Variants in ARL5B observed in about 807,000 individuals in gnomAD.
ARL5B encodes the protein ADP-ribosylation factor-like protein 5B.
Under a neutral mutation model 26.9 loss-of-function variants are expected in ARL5B, and 10 were observed. The ratio of observed to expected loss-of-function variants is 0.37; its 90% CI spans 0.23 to 0.63. The LOEUF is 0.63. ARL5B is among the 30% of genes least tolerant of loss of function. The probability of loss-of-function intolerance (pLI) is 0.62; values close to 1 mark genes in which losing one functional copy is unlikely to be tolerated. For synonymous variants in ARL5B, 87 were observed against 70.4 expected (o/e 1.24, Z -1.18); for missense variants, 167 against 213.9 (o/e 0.78, Z 1.37).
At position 18,677,896 on chromosome 10, in the gene ARL5B, G is replaced by C. The variant is rs1157291384; in HGVS notation, c.*2680G>C. 1.3e-5 allele frequency: 2 copies of C among 151,960 alleles called. No individual in the cohort carries two copies. Among genetic ancestry groups the C allele is most frequent in the Non-Finnish European group, 1.5e-5 (1 of 67,756 alleles). The allele number at this position is 151,960 out of a possible 1,614,324, so 9.4% of individuals were successfully genotyped here. A position where few individuals can be genotyped will look rare whatever the true frequency, so the allele number is the denominator to read the frequency against. ...GGACCCACCTACATTACCTTCAGGA[G>C]ACTGTTCTACCTTTTAATTTGAAAA... On this transcript the variant is annotated 3_prime_UTR_variant, in exon 6 of 6. Transcript: ENST00000377275.
At chr10:18,666,739 A>G in intron 2 of ARL5B, 104 bp downstream of exon 2, 1 of 1,017,562 alleles carries the variant, frequency 9.8e-7, no homozygotes, top group Non-Finnish European at 1.4e-6. Context: ...ACTTAAATAT[A>G]TGTTTTTTGT....
At chr10:18,661,160 T>C (rs971273218) in intron 1 of ARL5B, among the ~76,000 whole-genome samples, 2 of 152,234 alleles carry the variant, frequency 1.3e-5, no homozygotes, top group Non-Finnish European at 2.9e-5. Flanking sequence ...TAAAACAGCA[T>C]TTTAAGACAT....
chr10:18,674,731 C>T (rs144160062), intron 5 of ARL5B, among the ~76,000 whole-genome samples: 1 of 152,304 alleles, frequency 6.6e-6, no homozygotes, highest in East Asian at 1.9e-4. Context: ...CTTAGTTTTT[C>T]TCTTAGTATT....
chr10:18,673,157 G>A (rs1203452795), intron 4 of ARL5B, among the ~76,000 whole-genome samples: 5 of 152,018 alleles, frequency 3.3e-5, no homozygotes, highest in African/African-American at 1.2e-4. Context: ...CCGCCTCCTG[G>A]GTTCAAGCAG....
intron 4 of ARL5B, 145 bp from the exon 5 acceptor site, chr10:18,673,839 G>C (rs1364760555): frequency 1.7e-6 from 1 of 580,066 alleles, no homozygotes; most frequent in Middle Eastern, 5.2e-4. Flanking sequence ...AATGAATAAT[G>C]AAATTACGGG....
In ARL5B at chr10:18,675,200, G is replaced by A. The variant is rs1030361936; in HGVS notation, c.524G>A (p.Arg175Gln). 10 of 1,613,324 alleles carry A rather than the reference G, an allele frequency of 6.2e-6. No homozygotes were observed. The highest frequency in any genetic ancestry group is 2.2e-5 in the East Asian group (1 of 44,830). ...CAAGGTCTAGAGTGGATGACCTCCC[G>A]GATTGGTGTGAGATAACTTTTTTGC... is the stretch of plus-strand genomic sequence containing the variant. ...LCQGLEWMTS[R>Q]IGVR The change falls in exon 6 of 6, where the codon CGG becomes CAG. Residue 175 changes from arginine to glutamine, a missense_variant. Coordinates refer to ENST00000377275, the MANE Select transcript of ARL5B (RefSeq NM_178815.5).
chr10:18,672,028 T>C (rs1053520922), intron 3 of ARL5B, among the ~76,000 whole-genome samples: 1 of 152,234 alleles, frequency 6.6e-6, no homozygotes, highest in African/African-American at 2.4e-5. Flanking sequence ...TCCTCTTTTT[T>C]CTGGTGTCTT....
At position 18,666,636 on chromosome 10, in the gene ARL5B, G is replaced by A. The variant is rs773419256; in HGVS notation, c.107+1G>A. The A allele has an allele frequency of 6.2e-7, 1 of 1,602,288 alleles. No individual in the cohort carries two copies. Among genetic ancestry groups the A allele is most frequent in the Non-Finnish European group, 8.5e-7 (1 of 1,172,412 alleles). ...GGAAAACCACCATTCTTTACCAATT[G>A]TAAGTATGGGTGTTTATTAAACAGT... On this transcript the variant is annotated splice_donor_variant, in intron 2 of 5. Coordinates refer to ENST00000377275, the MANE Select transcript of ARL5B (RefSeq NM_178815.5). LOFTEE classifies it high-confidence loss of function.
At chr10:18,666,481 C>T (rs748507546) in intron 1 of ARL5B, 94 bp from the exon 2 acceptor site, 57 of 1,016,274 alleles carry the variant, frequency 5.6e-5, no homozygotes, top group Non-Finnish European at 8.1e-5. Context: ...GTGAATGATT[C>T]TCATTAATGA....
intron 2 of ARL5B, among the ~76,000 whole-genome samples, chr10:18,666,848 G>C (rs920918323): frequency 6.6e-6 from 1 of 151,958 alleles, no homozygotes; most frequent in Non-Finnish European, 1.5e-5. Flanking sequence ...TTCTGCCCTC[G>C]AAAGAAAGAA....
At chr10:18,674,846 G>C (rs541414475) in intron 5 of ARL5B, among the ~76,000 whole-genome samples, 1 of 152,266 alleles carries the variant, frequency 6.6e-6, no homozygotes, top group South Asian at 2.1e-4. Flanking sequence ...AGGATAAGGT[G>C]AAGTTGCTAT....
In ARL5B at chr10:18,677,530, A is replaced by G. The variant is rs1171281767; in HGVS notation, c.*2314A>G. On this transcript the variant is annotated 3_prime_UTR_variant, in exon 6 of 6. Coordinates refer to ENST00000377275, the MANE Select transcript of ARL5B (RefSeq NM_178815.5). ...AATTCATGTAAGACTTTTTAAGAGTATTTTTTAGGTTTTCACTCAATCTTT... is the reference window on the plus strand; with the variant it reads ...AATTCATGTAAGACTTTTTAAGAGTGTTTTTTAGGTTTTCACTCAATCTTT... The G allele has an allele frequency of 6.6e-6, 1 of 152,210 alleles. No homozygotes were observed. Among genetic ancestry groups the G allele is most frequent in the Non-Finnish European group, 1.5e-5 (1 of 67,754 alleles). The allele number at this position is 152,210 out of a possible 1,614,324, so 9.4% of individuals were successfully genotyped here.
intron 1 of ARL5B, among the ~76,000 whole-genome samples, chr10:18,662,112 C>T (rs1402030948): frequency 1.3e-5 from 2 of 152,226 alleles, no homozygotes. Context: ...ATTTTTGTAA[C>T]TATATTTATC....
rs1173717393 is a variant in ARL5B at position 18,681,536 on chromosome 10, C to T, written c.*6320C>T. On this transcript the variant is annotated 3_prime_UTR_variant, in exon 6 of 6. Coordinates refer to ENST00000377275, the MANE Select transcript of ARL5B (RefSeq NM_178815.5). ...TGCTCTGGAATGTTCATCTTTTAGA[C>T]AGGTTTTGGCTCATTTCCAATCATG... is the stretch of plus-strand genomic sequence containing the variant. 3.9e-5 allele frequency: 6 copies of T among 152,106 alleles called. No homozygotes were observed. Among genetic ancestry groups the T allele is most frequent in the Non-Finnish European group, 8.8e-5 (6 of 68,030 alleles). The allele number at this position is 152,106 out of a possible 1,614,324, so 9.4% of individuals were successfully genotyped here. A position where few individuals can be genotyped will look rare whatever the true frequency, so the allele number is the denominator to read the frequency against.
chr10:18,665,102 G>A (rs370023787), intron 1 of ARL5B, among the ~76,000 whole-genome samples: 5 of 152,330 alleles, frequency 3.3e-5, no homozygotes, highest in African/African-American at 1.2e-4. Context: ...GTGCCAGGCA[G>A]TCTGTTTGTT....
At position 18,676,545 on chromosome 10, in the gene ARL5B, TGTC is replaced by T. The variant is rs1201048001; in HGVS notation, c.*1332_*1334del. ...TCCTTAAATTAAGAGGAAAGACAAG[TGTC>T]GTATTTCGATCCTGTTTATTCAAAT... On this transcript the variant is annotated 3_prime_UTR_variant, in exon 6 of 6. Coordinates refer to ENST00000377275, the MANE Select transcript of ARL5B (RefSeq NM_178815.5). 6.6e-6 allele frequency: 1 copy of T among 152,018 alleles called. No individual in the cohort carries two copies. The highest frequency in any genetic ancestry group is 1.5e-5 in the Non-Finnish European group (1 of 67,884). 9.4% of individuals were successfully genotyped at this position (152,018 alleles called of 1,614,324 possible).
At chr10:18,660,090 T>G (rs2059823023) in intron 1 of ARL5B, among the ~76,000 whole-genome samples, 1 of 151,998 alleles carries the variant, frequency 6.6e-6, no homozygotes. Context: ...TGTAGGTGCT[T>G]TGTTTTCCCG....
Position 18,678,310 on chromosome 10 carries a change from A to T in ARL5B, c.*3094A>T, listed in dbSNP as rs2059918620. The T allele has an allele frequency of 6.9e-6, 1 of 145,280 alleles. No homozygotes were observed. The highest frequency in any genetic ancestry group is 2.0e-4 in the East Asian group (1 of 4,946). The allele number at this position is 145,280 out of a possible 1,614,324, so 9.0% of individuals were successfully genotyped here. ...TAAATTTAAGTTTCATTGCTGAAAA[A>T]TTTTAAATGAGTGCCACCCCATAGC... is the stretch of plus-strand genomic sequence containing the variant. On this transcript the variant is annotated 3_prime_UTR_variant, in exon 6 of 6. Coordinates refer to ENST00000377275, the MANE Select transcript of ARL5B (RefSeq NM_178815.5).
At chr10:18,673,655 A>G (rs2059897950) in intron 4 of ARL5B, among the ~76,000 whole-genome samples, 1 of 152,004 alleles carries the variant, frequency 6.6e-6, no homozygotes, top group African/African-American at 2.4e-5. Flanking sequence ...CACCACCAGT[A>G]CTCTTAAGTT....
Sources: gnomAD v4.1 joint callset for allele counts (sites outside exome capture counted in the v4.1 genomes callset) on GRCh38, gnomAD v4.1.1 for gene constraint, MANE v1.5 for transcripts, NCBI Gene and HGNC (gene_info 2026-07-23, HGNC 2026-07-21) for gene names.